Variants in IL5RA observed in about 807,000 individuals in gnomAD.
The protein encoded by IL5RA is interleukin-5 receptor subunit alpha.
In IL5RA, 49 loss-of-function variants were observed where a neutral mutation model predicts 50.0. The observed-to-expected ratio is 0.98, with a 90% confidence interval of 0.78 to 1.24. The LOEUF is 1.24. Among genes scored for constraint, IL5RA ranks in the 50% most tolerant of loss-of-function variants. The pLI, the probability that IL5RA is intolerant of heterozygous loss-of-function variation, is 0.00. For missense variants in IL5RA, 600 were observed against 500.4 expected (o/e 1.20, Z -1.90); for synonymous variants, 202 against 174.0 (o/e 1.16, Z -1.26).
In IL5RA at chr3:3,070,048, A is replaced by G; in HGVS notation, c.*177T>C. The G allele has an allele frequency of 1.8e-6, 1 of 559,818 alleles. No homozygotes were observed. The highest frequency in any genetic ancestry group is 3.2e-6 in the Non-Finnish European group (1 of 310,738). 34.7% of individuals were successfully genotyped at this position (559,818 alleles called of 1,614,324 possible). On this transcript the variant is annotated 3_prime_UTR_variant, in exon 12 of 12. Coordinates refer to ENST00000446632, the MANE Select transcript of IL5RA (RefSeq NM_175726.4). ...CCCTGCTGTAGGTGAGGCGATTTGG[A>G]TGAAGCATCCATACTTTTAAGAGAT...
In IL5RA at chr3:3,092,283, A is replaced by G. The variant is rs745419424; in HGVS notation, c.935T>C (p.Val312Ala). Residue 312 changes from valine to alanine, a missense_variant, in exon 9 of 12, where the codon GTG (valine) becomes GCG (alanine). Val to Ala is a moderately conservative substitution (Grantham distance 64). Coordinates refer to ENST00000446632, the MANE Select transcript of IL5RA (RefSeq NM_175726.4). The surrounding 1 kb of genome is among the most constrained non-coding windows in gnomAD (Gnocchi z 4.2). ...SKYDVQVRAA[V>A]SSMCREAGLW... is the part of the protein sequence containing the mutation. Reference sequence around the variant, plus strand: ...CCCTGCCTCTCTGCACATGGAGCTCACTGCTGCTCTCACTTGAACATCGTA... The same window carrying G: ...CCCTGCCTCTCTGCACATGGAGCTCGCTGCTGCTCTCACTTGAACATCGTA... 1.2e-6 allele frequency: 2 copies of G among 1,614,132 alleles called. No individual in the cohort carries two copies. Among genetic ancestry groups the G allele is most frequent in the South Asian group, 2.2e-5 (2 of 91,086 alleles).
At chr3:3,083,919 T>C (rs1702755129) in intron 9 of IL5RA, among the ~76,000 whole-genome samples, 1 of 151,952 alleles carries the variant, frequency 6.6e-6, no homozygotes, top group Admixed American at 6.6e-5. Context: ...CGGGGTGGCA[T>C]GAGTAATTCC....
chr3:3,109,137 TTTTTCCCCC>T (rs143800355), intron 1 of IL5RA, among the ~76,000 whole-genome samples: 3,313 of 152,228 alleles, frequency 0.022, 53 homozygotes, highest in Middle Eastern at 0.048. Context: ...CTGTCTCTCC[TTTTTCCCCC>T]TTTTTTTTGG....
rs1387639162 is a variant in IL5RA at position 3,110,356 on chromosome 3, T to C, written c.-557A>G. On this transcript the variant is annotated 5_prime_UTR_variant, in exon 1 of 12. Coordinates refer to ENST00000446632, the MANE Select transcript of IL5RA (RefSeq NM_175726.4). ...AGTTTTCCGTGGGTACTCTAAAGCG[T>C]TGCATTTCTGTTTTGTTTATGTGCC... 1 of 152,238 alleles carries C rather than the reference T, an allele frequency of 6.6e-6. No individual in the cohort carries two copies. The highest frequency in any genetic ancestry group is 1.5e-5 in the Non-Finnish European group (1 of 68,046). The allele number at this position is 152,238 out of a possible 1,614,324, so 9.4% of individuals were successfully genotyped here.
intron 9 of IL5RA, among the ~76,000 whole-genome samples, chr3:3,087,854 G>T (rs1318876700): frequency 6.6e-6 from 1 of 152,202 alleles, no homozygotes; most frequent in Non-Finnish European, 1.5e-5. Context: ...CATGCAAAAT[G>T]TCCCAGAGGG....
chr3:3,071,498 T>C (rs17886058), intron 11 of IL5RA, among the ~76,000 whole-genome samples: 2,075 of 152,174 alleles, frequency 0.014, 24 homozygotes, highest in Middle Eastern at 0.037. Flanking sequence ...AGGATATGCT[T>C]TTTTAGAATA....
chr3:3,110,264 C>T lies in IL5RA; in HGVS notation c.-465G>A, dbSNP rs1704120263. On this transcript the variant is annotated 5_prime_UTR_variant, in exon 1 of 12. Coordinates refer to ENST00000446632, the MANE Select transcript of IL5RA (RefSeq NM_175726.4). Reference sequence around the variant, plus strand: ...ACTGTCTTGTCTGCATTTTCACTCTCTTTCAGAGTTGGTTTGCTCTCTTCA... The same window carrying T: ...ACTGTCTTGTCTGCATTTTCACTCTTTTTCAGAGTTGGTTTGCTCTCTTCA... 6.6e-6 allele frequency: 1 copy of T among 152,232 alleles called. No homozygotes were observed. The highest frequency in any genetic ancestry group is 2.4e-5 in the African/African-American group (1 of 41,448). The allele number at this position is 152,232 out of a possible 1,614,324, so 9.4% of individuals were successfully genotyped here.
At chr3:3,108,954 C>T (rs538657434) in intron 1 of IL5RA, among the ~76,000 whole-genome samples, 21 of 152,246 alleles carry the variant, frequency 1.4e-4, no homozygotes, top group Non-Finnish European at 2.8e-4. Flanking sequence ...TTTTCGATAA[C>T]CATGAAAGAG....
intron 11 of IL5RA, among the ~76,000 whole-genome samples, chr3:3,074,542 G>A (rs950416330): frequency 1.3e-5 from 2 of 152,202 alleles, no homozygotes; most frequent in Non-Finnish European, 1.5e-5. Flanking sequence ...GCTGAGGTGG[G>A]AGGATCGCTT....
rs1222622314 is a variant in IL5RA at position 3,098,300 on chromosome 3, C to G, written c.368-10G>C. The G allele has an allele frequency of 7.4e-6, 12 of 1,611,816 alleles. No homozygotes were observed. The South Asian group carries it at 1.1e-4, about 15-fold the overall frequency. ...GAGGTTCCAGGAGACCCTAGGTAGT[C>G]AAAAGTAAAAAGGACAAAACATTGC... On this transcript the variant is annotated splice_polypyrimidine_tract_variant and intron_variant, in intron 5 of 11. Transcript: ENST00000446632.
At chr3:3,098,390 C>G in intron 5 of IL5RA, 100 bp from the exon 6 acceptor site, 8 of 1,011,884 alleles carry the variant, frequency 7.9e-6, no homozygotes, top group Non-Finnish European at 1.2e-5. Context: ...GTATTCATCA[C>G]CAAAAAATAA....
rs1702156502 is a variant in IL5RA at position 3,067,144 on chromosome 3, C to T, written c.*3081G>A. 1 of 152,226 alleles carries T rather than the reference C, an allele frequency of 6.6e-6. No individual in the cohort carries two copies. The highest frequency in any genetic ancestry group is 6.5e-5 in the Admixed American group (1 of 15,284). 9.4% of individuals were successfully genotyped at this position (152,226 alleles called of 1,614,324 possible). Reference sequence around the variant, plus strand: ...ACAGTATAGACCACTCACAGTGAGCCACTTCTGAAATGCCTCTTACACAGC... The same window carrying T: ...ACAGTATAGACCACTCACAGTGAGCTACTTCTGAAATGCCTCTTACACAGC... On this transcript the variant is annotated 3_prime_UTR_variant, in exon 12 of 12. Transcript: ENST00000446632.
intron 9 of IL5RA, among the ~76,000 whole-genome samples, chr3:3,085,493 C>A (rs1383373516): frequency 6.6e-6 from 1 of 152,142 alleles, no homozygotes; most frequent in Non-Finnish European, 1.5e-5. Context: ...GGGATTAGAG[C>A]TCCAGGTGGG....
chr3:3,110,040 C>T lies in IL5RA; in HGVS notation c.-241G>A, dbSNP rs1364163341. On this transcript the variant is annotated 5_prime_UTR_variant, in exon 1 of 12. An upstream open reading frame in the 5' UTR loses its in-frame stop. Coordinates refer to ENST00000446632, the MANE Select transcript of IL5RA (RefSeq NM_175726.4). ...ACTTTTTAACTTAGAGGCGGTTCTT[C>T]ACTCTTTCATCATCACGGCTGTAAT... The T allele has an allele frequency of 6.6e-6, 1 of 152,170 alleles. No homozygotes were observed. The allele number at this position is 152,170 out of a possible 1,614,324, so 9.4% of individuals were successfully genotyped here.
chr3:3,103,082 C>T, intron 3 of IL5RA: 1 of 244,670 alleles, frequency 4.1e-6, no homozygotes, highest in Non-Finnish European at 7.8e-6. Flanking sequence ...AGGGTTTCAC[C>T]ATGTTGGCTA....
At position 3,084,700 on chromosome 3, in the gene IL5RA, C is replaced by T. The variant is rs146436343; in HGVS notation, c.994+7524G>A. ...GCAATGGAACATCTCGAAAAGAACC[C>T]AGGTGTGGAGCCAATCCTCTAGCTG... On this transcript the variant is annotated intron_variant, in intron 9 of 11. Transcript: ENST00000446632. 2.4e-4 allele frequency among the ~76,000 whole-genome samples: 36 copies of T among 152,366 alleles called. No homozygotes were observed. The East Asian group carries it at 6.6e-3, about 28-fold the overall frequency.
intron 11 of IL5RA, chr3:3,073,856 A>T (rs1281541838): frequency 6.8e-6 from 3 of 438,704 alleles, no homozygotes; most frequent in Non-Finnish European, 1.4e-5. Context: ...TTTTTAAAAA[A>T]TCACTTTTGG....
At chr3:3,079,405 G>A (rs1489725858) in intron 9 of IL5RA, among the ~76,000 whole-genome samples, 2 of 152,180 alleles carry the variant, frequency 1.3e-5, no homozygotes, top group Middle Eastern at 3.4e-3. Flanking sequence ...CTGAAGCCTC[G>A]AAGTCACTTT....
intron 10 of IL5RA, 112 bp downstream of exon 10, chr3:3,076,419 C>G (rs1176476834): frequency 1.5e-6 from 1 of 688,866 alleles, no homozygotes; most frequent in Non-Finnish European, 2.5e-6. Context: ...CACAAAAATG[C>G]CACAAATTTT....
Sources: gnomAD v4.1 joint callset for allele counts (sites outside exome capture counted in the v4.1 genomes callset) on GRCh38, gnomAD v4.1.1 for gene constraint, Gnocchi (gnomAD v3.1) non-coding constraint, MANE v1.5 for transcripts, NCBI Gene and HGNC (gene_info 2026-07-23, HGNC 2026-07-21) for gene names.